Variants in CNNM2 observed in about 807,000 individuals in gnomAD.
CNNM2 encodes metal transporter CNNM2.
CNNM2 carries 12 observed loss-of-function variants against 66.9 expected under a neutral mutation model. The observed-to-expected ratio is 0.18, with a 90% CI of 0.11 to 0.29. CNNM2 has a LOEUF of 0.29. Among genes scored for constraint, CNNM2 ranks in the 10% least tolerant of loss-of-function variants. The pLI is 1.00. For synonymous variants in CNNM2, 557 were observed against 501.8 expected, an observed-to-expected ratio of 1.11 and a Z score of -1.47; for missense variants, 705 against 1,167.7, an observed-to-expected ratio of 0.60 and a Z score of 5.77.
chr10:102,944,985 T>G (rs1015179847), intron 1 of CNNM2, among the ~76,000 whole-genome samples: 13 of 149,998 alleles, frequency 8.7e-5, no homozygotes, highest in Admixed American at 2.0e-4. Flanking sequence ...TTTTGTTTTT[T>G]TTTTTGGCAA....
Position 103,055,526 on chromosome 10 carries a change from G to A in CNNM2, c.1903+1060G>A, listed in dbSNP as rs555763913. 5.3e-5 allele frequency among the ~76,000 whole-genome samples: 8 copies of A among 152,370 alleles called. No individual in the cohort carries two copies. In the East Asian group the frequency reaches 9.6e-4, roughly 18 times the overall value. On this transcript the variant is annotated intron_variant, in intron 3 of 7. Coordinates refer to ENST00000369878, the MANE Select transcript of CNNM2 (RefSeq NM_017649.5). Reference sequence around the variant, plus strand: ...TACACACATGTATACATGAGCACACGTGCCTGGGCATGGCACTGGAAAGAA... The same window carrying A: ...TACACACATGTATACATGAGCACACATGCCTGGGCATGGCACTGGAAAGAA...
At chr10:102,987,964 T>C (rs926200378) in intron 1 of CNNM2, among the ~76,000 whole-genome samples, 2 of 152,160 alleles carry the variant, frequency 1.3e-5, no homozygotes, top group Non-Finnish European at 2.9e-5. Flanking sequence ...TCTGGAGACC[T>C]GTTAATCAGC....
rs2065691960 is a variant in CNNM2, at chr10:103,076,409, A to C, written c.2418+139A>C. On this transcript the variant is annotated intron_variant, in intron 7 of 7. Transcript: ENST00000369878. Reference sequence around the variant, plus strand: ...GGTGCCCTGCCTTCCATTCTCAACTACACACCCTGTCTTCGTCTGCTGTGC... The same window carrying C: ...GGTGCCCTGCCTTCCATTCTCAACTCCACACCCTGTCTTCGTCTGCTGTGC... 4 of 794,482 alleles carry C rather than the reference A, an allele frequency of 5.0e-6. No homozygotes were observed. In the South Asian group the frequency reaches 6.9e-5, roughly 14 times the overall value. 49.2% of individuals were successfully genotyped at this position (794,482 alleles called of 1,614,324 possible). A position where few individuals can be genotyped will look rare whatever the true frequency, so the allele number is the denominator to read the frequency against.
At position 103,081,370 on chromosome 10, in the gene CNNM2, G is replaced by A. The variant is rs1245094533; in HGVS notation, c.*4190G>A. The stretch of plus-strand genomic sequence containing the variant: ...CCATTCTGGGCTCTAGGCTAGTGGT[G>A]CTTCTGTCCATCAAGGGTATCTGGG... On this transcript the variant is annotated 3_prime_UTR_variant, in exon 8 of 8. Transcript: ENST00000369878. The A allele has an allele frequency of 6.6e-6, 1 of 152,282 alleles. No individual in the cohort carries two copies. The highest frequency in any genetic ancestry group is 1.5e-5 in the Non-Finnish European group (1 of 68,116). 9.4% of individuals were successfully genotyped at this position (152,282 alleles called of 1,614,324 possible). A position where few individuals can be genotyped will look rare whatever the true frequency, so the allele number is the denominator to read the frequency against.
At chr10:103,057,547 T>C (rs2065316366) in intron 4 of CNNM2, among the ~76,000 whole-genome samples, 1 of 152,158 alleles carries the variant, frequency 6.6e-6, no homozygotes, top group African/African-American at 2.4e-5. Flanking sequence ...TTAGTATTTT[T>C]TGAAGAGTGT....
chr10:102,997,508 A>T (rs2064025597), intron 1 of CNNM2, among the ~76,000 whole-genome samples: 1 of 152,156 alleles, frequency 6.6e-6, no homozygotes, highest in South Asian at 2.1e-4. Flanking sequence ...TGAAGAATAA[A>T]TATAATGGGA....
chr10:102,992,989 T>C (rs2063925257), intron 1 of CNNM2, among the ~76,000 whole-genome samples: 1 of 152,144 alleles, frequency 6.6e-6, no homozygotes, highest in Admixed American at 6.5e-5. Context: ...ACCATCACTT[T>C]TTTCAAAAAA....
chr10:102,973,520 T>TGTG (rs1423065192), intron 1 of CNNM2, among the ~76,000 whole-genome samples: 33 of 116,360 alleles, frequency 2.8e-4, no homozygotes, highest in African/African-American at 7.7e-4. Context: ...GTGTGTGTGT[T>TGTG]TTTTTTTTTT....
At chr10:102,936,751 T>C (rs1846256166) in intron 1 of CNNM2, among the ~76,000 whole-genome samples, 1 of 152,210 alleles carries the variant, frequency 6.6e-6, no homozygotes, top group African/African-American at 2.4e-5. Context: ...TGACTATCTT[T>C]TGATGTGGTG....
intron 1 of CNNM2, among the ~76,000 whole-genome samples, chr10:103,002,497 G>A (rs373543078): frequency 1.0e-4 from 6 of 58,252 alleles, no homozygotes; most frequent in Non-Finnish European, 2.3e-4. Context: ...TTTTTTTTTT[G>A]AGACAGAGTT....
chr10:102,967,052 T>A (rs1304525013), intron 1 of CNNM2, among the ~76,000 whole-genome samples: 1 of 152,116 alleles, frequency 6.6e-6, no homozygotes, highest in Non-Finnish European at 1.5e-5. Context: ...GCTCAGAGGA[T>A]CCTCCCATGT....
At chr10:102,992,481 C>T (rs2063916000) in intron 1 of CNNM2, among the ~76,000 whole-genome samples, 1 of 151,930 alleles carries the variant, frequency 6.6e-6, no homozygotes, top group Non-Finnish European at 1.5e-5. Flanking sequence ...CCATGTTGGC[C>T]AGGCTGGTCT....
At chr10:103,051,562 G>A (rs2065214176) in intron 2 of CNNM2, among the ~76,000 whole-genome samples, 1 of 151,668 alleles carries the variant, frequency 6.6e-6, no homozygotes, top group Non-Finnish European at 1.5e-5. Context: ...CCAACATGGC[G>A]AAACACCATC....
chr10:103,059,617 A>G (rs568443316), intron 4 of CNNM2, among the ~76,000 whole-genome samples: 9 of 152,340 alleles, frequency 5.9e-5, no homozygotes, highest in Admixed American at 5.9e-4. Flanking sequence ...AGACAGTTAA[A>G]AGCACAGTAA....
chr10:102,968,790 A>G (rs1322890239), intron 1 of CNNM2, among the ~76,000 whole-genome samples: 1 of 151,702 alleles, frequency 6.6e-6, no homozygotes, highest in Non-Finnish European at 1.5e-5. Context: ...TTGTAGAGAC[A>G]GCATCTGACT....
At position 103,083,306 on chromosome 10, in the gene CNNM2, AATTT is replaced by A. The variant is rs936251673; in HGVS notation, c.*6131_*6134del. On this transcript the variant is annotated 3_prime_UTR_variant, in exon 8 of 8. Transcript: ENST00000369878. ...CAGTCTCTCCTATTTATTTTGTACC[AATTT>A]ATTTGTAAATTTTGTGATTGTTTTA... is the stretch of plus-strand genomic sequence containing the variant. 1.9e-4 allele frequency: 29 copies of A among 152,188 alleles called. No homozygotes were observed. Among genetic ancestry groups the A allele is most frequent in the African/African-American group, 6.3e-4 (26 of 41,432 alleles). The allele number at this position is 152,188 out of a possible 1,614,324, so 9.4% of individuals were successfully genotyped here.
intron 1 of CNNM2, among the ~76,000 whole-genome samples, chr10:102,959,948 A>G (rs1242362533): frequency 6.6e-6 from 1 of 152,050 alleles, no homozygotes; most frequent in Non-Finnish European, 1.5e-5. Context: ...GCTACTCAGG[A>G]GACTGAGGCA....
intron 1 of CNNM2, among the ~76,000 whole-genome samples, chr10:102,994,099 G>A (rs1284771553): frequency 2.0e-5 from 3 of 152,110 alleles, no homozygotes; most frequent in Non-Finnish European, 4.4e-5. Context: ...ACCACGCCGA[G>A]CTAATTTTTG....
chr10:103,058,078 T>G (rs2065324485), intron 4 of CNNM2, among the ~76,000 whole-genome samples: 1 of 152,216 alleles, frequency 6.6e-6, no homozygotes, highest in Non-Finnish European at 1.5e-5. Context: ...CATTGTGGTG[T>G]TTGGAAGCAG....
Sources: allele counts gnomAD v4.1 joint callset (sites outside exome capture counted in the v4.1 genomes callset), GRCh38; gene constraint gnomAD v4.1.1; transcripts MANE v1.5; gene names NCBI Gene and HGNC (gene_info 2026-07-23, HGNC 2026-07-21).